The following PDE4D variants were observed in gnomAD, a reference collection of about 807,000 sequenced individuals.
PDE4D encodes the protein 3',5'-cyclic-AMP phosphodiesterase 4D.
Under a neutral mutation model 87.4 loss-of-function variants are expected in PDE4D, and 24 were observed. The observed-to-expected ratio is 0.27, with a 90% CI of 0.20 to 0.39. PDE4D has a LOEUF of 0.39. PDE4D is among the 10% of genes least tolerant of loss of function. The pLI, the probability that PDE4D is intolerant of heterozygous loss-of-function variation, is 1.00. For missense variants in PDE4D, 714 were observed against 1,041.0 expected (o/e 0.69, Z 4.32); for synonymous variants, 384 against 383.2 (o/e 1.00, Z -0.02).
At chr5:60,432,274 G>A (rs1171412541) in intron 1 of PDE4D, among the ~76,000 whole-genome samples, 2 of 152,190 alleles carry the variant, frequency 1.3e-5, no homozygotes, top group African/African-American at 4.8e-5. Context: ...CTCATAGAAT[G>A]AGTTAGGGAA....
intron 5 of PDE4D, among the ~76,000 whole-genome samples, chr5:59,107,445 G>C (rs977711537): frequency 1.3e-5 from 2 of 152,180 alleles, no homozygotes; most frequent in African/African-American, 4.8e-5. Flanking sequence ...CCAACCTTCA[G>C]TGATCTGCCT....
At chr5:60,262,184 A>G (rs540835582) in intron 1 of PDE4D, among the ~76,000 whole-genome samples, 1 of 152,230 alleles carries the variant, frequency 6.6e-6, no homozygotes, top group South Asian at 2.1e-4. Context: ...CCACGAAATA[A>G]CACCAATGTA....
At chr5:60,182,503 A>C (rs1212394457) in intron 2 of PDE4D, among the ~76,000 whole-genome samples, 1 of 152,144 alleles carries the variant, frequency 6.6e-6, no homozygotes, top group Admixed American at 6.5e-5. Flanking sequence ...GTGATGGCGC[A>C]TGCCTCTAAT....
intron 3 of PDE4D, among the ~76,000 whole-genome samples, chr5:59,971,634 A>C (rs1215756948): frequency 1.3e-5 from 2 of 152,032 alleles, no homozygotes; most frequent in African/African-American, 4.8e-5. Flanking sequence ...AGCTTTAAAA[A>C]CTTTGCCACG....
At chr5:58,986,145 CAAAG>C (rs1447059648) in intron 11 of PDE4D, among the ~76,000 whole-genome samples, 6 of 152,350 alleles carry the variant, frequency 3.9e-5, no homozygotes, top group East Asian at 1.9e-4. Flanking sequence ...TACTAAATAA[CAAAG>C]AAAGAATTTG....
intron 1 of PDE4D, among the ~76,000 whole-genome samples, chr5:59,618,461 A>C (rs1348783239): frequency 6.6e-6 from 1 of 152,180 alleles, no homozygotes; most frequent in African/African-American, 2.4e-5. Flanking sequence ...AAAAGAACAG[A>C]ACAGGCGTCG....
chr5:60,229,776 G>T (rs531695146), intron 1 of PDE4D, among the ~76,000 whole-genome samples: 1 of 152,218 alleles, frequency 6.6e-6, no homozygotes, highest in South Asian at 2.1e-4. Flanking sequence ...TTTTAGAACT[G>T]CAGTTTAGAA....
At chr5:59,295,142 C>A (rs1356653050) in intron 1 of PDE4D, among the ~76,000 whole-genome samples, 1 of 152,118 alleles carries the variant, frequency 6.6e-6, no homozygotes, top group Non-Finnish European at 1.5e-5. Context: ...GTCCATGAAC[C>A]ATTTGAAGAT....
chr5:59,177,850 G>T (rs1361865883), intron 5 of PDE4D, among the ~76,000 whole-genome samples: 2 of 152,136 alleles, frequency 1.3e-5, no homozygotes, highest in African/African-American at 4.8e-5. Context: ...AGTGAGAGAA[G>T]CCACATGGAA....
At chr5:59,405,112 T>G (rs1791392620) in intron 1 of PDE4D, among the ~76,000 whole-genome samples, 1 of 152,164 alleles carries the variant, frequency 6.6e-6, no homozygotes, top group Non-Finnish European at 1.5e-5. Context: ...TCTATATCTG[T>G]GAAGAATGTC....
At chr5:60,086,713 C>T (rs951691148) in intron 2 of PDE4D, among the ~76,000 whole-genome samples, 3 of 152,228 alleles carry the variant, frequency 2.0e-5, no homozygotes, top group African/African-American at 7.2e-5. Context: ...GAGAAATGTT[C>T]AATCTCCCCA....
chr5:59,429,464 A>G (rs994813531), intron 1 of PDE4D, among the ~76,000 whole-genome samples: 1 of 152,162 alleles, frequency 6.6e-6, no homozygotes, highest in Non-Finnish European at 1.5e-5. Flanking sequence ...ATCTGGCAAA[A>G]TGCATGCTTT....
At chr5:59,669,975 A>AT in intron 1 of PDE4D, among the ~76,000 whole-genome samples, 1 of 152,148 alleles carries the variant, frequency 6.6e-6, no homozygotes, top group Admixed American at 6.5e-5. Flanking sequence ...ATTCCTTAAA[A>AT]TTTTCTTAAG....
chr5:59,904,319 T>C (rs576592537), intron 3 of PDE4D, among the ~76,000 whole-genome samples: 1 of 152,216 alleles, frequency 6.6e-6, no homozygotes, highest in South Asian at 2.1e-4. Context: ...TGAAAGGAAC[T>C]CCAGGACTCC....
chr5:59,279,150 A>T (rs1028182792), intron 1 of PDE4D, among the ~76,000 whole-genome samples: 9 of 152,146 alleles, frequency 5.9e-5, no homozygotes, highest in African/African-American at 1.2e-4. Context: ...TATCATGAGC[A>T]TATTTCTTAG....
intron 1 of PDE4D, among the ~76,000 whole-genome samples, chr5:60,258,111 C>T (rs932307654): frequency 6.6e-6 from 1 of 151,938 alleles, no homozygotes; most frequent in Non-Finnish European, 1.5e-5. Flanking sequence ...AGTAACTCAG[C>T]TCCCTCCTCA....
chr5:59,043,679 A>G (rs1325312061), intron 5 of PDE4D, among the ~76,000 whole-genome samples: 8 of 152,072 alleles, frequency 5.3e-5, no homozygotes, highest in Admixed American at 2.6e-4. Flanking sequence ...TACATTAGGT[A>G]TATCTCCTAA....
intron 1 of PDE4D, among the ~76,000 whole-genome samples, chr5:59,449,610 A>G (rs1468663575): frequency 6.6e-6 from 1 of 152,194 alleles, no homozygotes; most frequent in Non-Finnish European, 1.5e-5. Context: ...GGACAGAGAA[A>G]TGTATCAAAT....
chr5:59,655,898 A>C (rs1744272388), intron 1 of PDE4D, among the ~76,000 whole-genome samples: 1 of 152,220 alleles, frequency 6.6e-6, no homozygotes, highest in African/African-American at 2.4e-5. Context: ...TCCAAAGTTC[A>C]AGTCTAGATC....
Sources: allele counts gnomAD v4.1 joint callset (sites outside exome capture counted in the v4.1 genomes callset), GRCh38; gene constraint gnomAD v4.1.1; transcripts MANE v1.5; gene names NCBI Gene and HGNC (gene_info 2026-07-23, HGNC 2026-07-21).